The following CAPRIN1 variants were observed in gnomAD, a reference collection of about 807,000 sequenced individuals.
CAPRIN1 encodes the protein caprin-1.
CAPRIN1 carries 29 observed loss-of-function variants against 100.9 expected under a neutral mutation model. The ratio of observed to expected loss-of-function variants is 0.29; its 90% CI spans 0.21 to 0.39. The LOEUF (loss-of-function observed/expected upper bound fraction) is 0.39, where lower values mean the gene tolerates loss of function less well. Ranked by LOEUF, CAPRIN1 falls within the 10% of genes least tolerant of loss-of-function variation. The pLI is 1.00. For missense variants in CAPRIN1, 795 were observed against 876.7 expected, an observed-to-expected ratio of 0.91 and a Z score of 1.18; for synonymous variants, 338 against 307.5, an observed-to-expected ratio of 1.10 and a Z score of -1.04.
At chr11:34,099,096 C>T in intron 18 of CAPRIN1, 1 of 1,422,280 alleles carries the variant, frequency 7.0e-7, no homozygotes, top group South Asian at 1.5e-5. Context: ...ATTAGCTTTA[C>T]TCTTCTTTTA....
In CAPRIN1 at chr11:34,098,227, A is replaced by G. The variant is rs926614407; in HGVS notation, c.2065+466A>G. Reference sequence around the variant, plus strand: ...AGCCATAGTTAACATTTAGAGAACCATTTAGAAGTGATAGAACTAATGGAA... The same window carrying G: ...AGCCATAGTTAACATTTAGAGAACCGTTTAGAAGTGATAGAACTAATGGAA... On this transcript the variant is annotated intron_variant, in intron 18 of 18. Transcript: ENST00000341394. 40 of 990,272 alleles carry G rather than the reference A, an allele frequency of 4.0e-5. No homozygotes were observed. The African/African-American group carries it at 6.5e-4, about 16-fold the overall frequency. 61.3% of individuals were successfully genotyped at this position (990,272 alleles called of 1,614,324 possible).
At chr11:34,098,565 T>G (rs1851405304) in intron 18 of CAPRIN1, 1 of 985,208 alleles carries the variant, frequency 1.0e-6, no homozygotes, top group Non-Finnish European at 1.2e-6. Flanking sequence ...TAAGGAGGAA[T>G]TACAACGTAC....
rs1850405323 is a variant in CAPRIN1, at chr11:34,054,416, T to C, written c.216+1780T>C. On this transcript the variant is annotated intron_variant, in intron 2 of 18. Coordinates refer to ENST00000341394, the MANE Select transcript of CAPRIN1 (RefSeq NM_005898.5). Reference sequence around the variant, plus strand: ...TGACACATGATTTAGTTTACCCTGTTGGGTATCTTCTTAAATTTTTTTTTT... The same window carrying C: ...TGACACATGATTTAGTTTACCCTGTCGGGTATCTTCTTAAATTTTTTTTTT... 3.9e-5 allele frequency among the ~76,000 whole-genome samples: 6 copies of C among 152,064 alleles called. No individual in the cohort carries two copies. In the South Asian group the frequency reaches 1.2e-3, roughly 32 times the overall value.
At chr11:34,087,625 G>A (rs1028900900) in intron 11 of CAPRIN1, among the ~76,000 whole-genome samples, 1 of 122,704 alleles carries the variant, frequency 8.1e-6, no homozygotes, top group Admixed American at 7.6e-5. Context: ...GAGCCACCGC[G>A]CCCGGCTCTC....
chr11:34,055,655 T>A (rs1288543898), intron 2 of CAPRIN1: 1 of 152,190 alleles, frequency 6.6e-6, no homozygotes, highest in Non-Finnish European at 1.5e-5. Context: ...GAGAAAATAA[T>A]GTAATTATTA....
chr11:34,093,728 C>T (rs1312254436), intron 15 of CAPRIN1, among the ~76,000 whole-genome samples: 1 of 152,002 alleles, frequency 6.6e-6, no homozygotes, highest in Non-Finnish European at 1.5e-5. Flanking sequence ...ACCTCTGCTT[C>T]TGGGTTCAAG....
chr11:34,053,040 G>GGA lies in CAPRIN1; in HGVS notation c.216+404_216+405insGA, dbSNP rs1453068231. On this transcript the variant is annotated intron_variant, in intron 2 of 18. Transcript: ENST00000341394. ...AAATGAAGAGGTCCCTGCGCGGGGG[G>GGA]CTCCGGGTTCAACCGACCGCCTCGT... 49 of 1,041,276 alleles carry GGA rather than the reference G, an allele frequency of 4.7e-5. No homozygotes were observed. In the South Asian group the frequency reaches 6.2e-4, roughly 13 times the overall value. The allele number at this position is 1,041,276 out of a possible 1,614,324, so 64.5% of individuals were successfully genotyped here.
intron 14 of CAPRIN1, among the ~76,000 whole-genome samples, chr11:34,091,275 C>T (rs1450629268): frequency 1.3e-5 from 2 of 152,150 alleles, no homozygotes; most frequent in African/African-American, 4.8e-5. Flanking sequence ...GGTACTGCAT[C>T]CAGGAGTTTG....
At chr11:34,058,229 T>C (rs1017391330) in intron 2 of CAPRIN1, among the ~76,000 whole-genome samples, 6 of 151,810 alleles carry the variant, frequency 4.0e-5, no homozygotes, top group Non-Finnish European at 8.8e-5. Flanking sequence ...CTCTGCCTCC[T>C]GGGTTCAAGT....
chr11:34,062,372 TCC>T (rs1299083858), intron 2 of CAPRIN1, among the ~76,000 whole-genome samples: 19 of 152,134 alleles, frequency 1.2e-4, no homozygotes, highest in Non-Finnish European at 5.9e-5. Flanking sequence ...ACGCCTGTAA[TCC>T]CAGCACTTTG....
intron 2 of CAPRIN1, among the ~76,000 whole-genome samples, chr11:34,059,588 G>A (rs1565082562): frequency 6.6e-6 from 1 of 152,106 alleles, no homozygotes; most frequent in Non-Finnish European, 1.5e-5. Context: ...TTCTAAATTG[G>A]TAATAAGCTC....
Position 34,097,776 on chromosome 11 carries a change from T to C in CAPRIN1, c.2065+15T>C. The C allele has an allele frequency of 6.2e-7, 1 of 1,614,030 alleles. No homozygotes were observed. The highest frequency in any genetic ancestry group is 8.5e-7 in the Non-Finnish European group (1 of 1,179,944). The stretch of plus-strand genomic sequence containing the variant: ...AGCCCCACGAGGTAATATTTTGTGG[T>C]GGTGATCCTAGCTCCTAAGTGGAGC... On this transcript the variant is annotated intron_variant, in intron 18 of 18. Transcript: ENST00000341394.
intron 6 of CAPRIN1, among the ~76,000 whole-genome samples, chr11:34,078,239 T>C (rs1242820643): frequency 6.6e-6 from 1 of 152,248 alleles, no homozygotes; most frequent in Non-Finnish European, 1.5e-5. Context: ...GTGTTCATTA[T>C]CTAAAGAGTT....
At chr11:34,074,757 C>T (rs974330680) in intron 4 of CAPRIN1, among the ~76,000 whole-genome samples, 3 of 152,240 alleles carry the variant, frequency 2.0e-5, no homozygotes, top group Admixed American at 6.5e-5. Flanking sequence ...GCAGCACACA[C>T]CTGTAATCCC....
chr11:34,097,814 C>T (rs1354813427), intron 18 of CAPRIN1, 53 bp downstream of exon 18: 1 of 1,613,358 alleles, frequency 6.2e-7, no homozygotes, highest in African/African-American at 1.3e-5. Flanking sequence ...CTGTTCTGGC[C>T]TTGGAAGAGC....
intron 2 of CAPRIN1, among the ~76,000 whole-genome samples, chr11:34,071,047 A>T (rs1565087706): frequency 1.3e-5 from 2 of 152,252 alleles, no homozygotes; most frequent in Non-Finnish European, 2.9e-5. Flanking sequence ...CTTTGGGGAG[A>T]GGGAGAGGCA....
chr11:34,053,935 C>T (rs551938613), intron 2 of CAPRIN1, among the ~76,000 whole-genome samples: 2 of 152,228 alleles, frequency 1.3e-5, no homozygotes, highest in East Asian at 3.9e-4. Flanking sequence ...ACTTGTCTGC[C>T]TCTAGGAAAA....
At chr11:34,083,890 A>G (rs1309083668) in intron 9 of CAPRIN1, among the ~76,000 whole-genome samples, 1 of 152,070 alleles carries the variant, frequency 6.6e-6, no homozygotes, top group African/African-American at 2.4e-5. Context: ...CAGCATGGTG[A>G]AACCCAGTCT....
intron 11 of CAPRIN1, among the ~76,000 whole-genome samples, chr11:34,087,329 ATTTT>A (rs5790975): frequency 1.0e-5 from 1 of 96,580 alleles, no homozygotes; most frequent in Non-Finnish European, 1.9e-5. Context: ...TATCTCTCAC[ATTTT>A]TTTTTTTTTT....
Sources: gnomAD v4.1 joint callset for allele counts (sites outside exome capture counted in the v4.1 genomes callset) on GRCh38, gnomAD v4.1.1 for gene constraint, MANE v1.5 for transcripts, NCBI Gene and HGNC (gene_info 2026-07-23, HGNC 2026-07-21) for gene names.